KCNN2: variants seen among roughly 807,000 people sequenced by gnomAD.
The protein encoded by KCNN2 is potassium calcium-activated channel subfamily N member 2.
Under a neutral mutation model 55.5 loss-of-function variants are expected in KCNN2, and 24 were observed. That is an observed-to-expected ratio of 0.43 (90% confidence interval 0.31 to 0.61). The LOEUF is 0.61. KCNN2 is among the 20% of genes least tolerant of loss of function. KCNN2 has a pLI of 0.08. For synonymous variants in KCNN2, 431 were observed against 336.1 expected, an observed-to-expected ratio of 1.28 and a Z score of -3.09; for missense variants, 754 against 853.6, an observed-to-expected ratio of 0.88 and a Z score of 1.45.
At chr5:114,292,046 G>C (rs921247504) in intron 2 of KCNN2, among the ~76,000 whole-genome samples, 1 of 149,926 alleles carries the variant, frequency 6.7e-6, no homozygotes, top group Admixed American at 6.6e-5. Context: ...TTGTTTGTTT[G>C]TTTCTTGTAA....
chr5:114,392,029 A>G (rs1005377109), intron 2 of KCNN2, among the ~76,000 whole-genome samples: 3 of 152,168 alleles, frequency 2.0e-5, no homozygotes, highest in African/African-American at 7.2e-5. Context: ...TAAGTTCTCA[A>G]GCAACCGTTT....
At chr5:114,129,504 T>C (rs917374524) in intron 1 of KCNN2, among the ~76,000 whole-genome samples, 4 of 152,128 alleles carry the variant, frequency 2.6e-5, no homozygotes, top group Non-Finnish European at 5.9e-5. Context: ...CCTAATTCTG[T>C]CTGTGGTCAC....
chr5:114,296,224 A>G (rs1756009612), intron 2 of KCNN2, among the ~76,000 whole-genome samples: 1 of 152,208 alleles, frequency 6.6e-6, no homozygotes, highest in Non-Finnish European at 1.5e-5. Context: ...AGAATGAGTA[A>G]CCTCTTATAG....
intron 2 of KCNN2, among the ~76,000 whole-genome samples, chr5:114,370,863 T>G (rs193148086): frequency 2.2e-4 from 33 of 152,274 alleles, no homozygotes; most frequent in African/African-American, 6.7e-4. Flanking sequence ...GTAAAGAGTT[T>G]AAAGCAGGCA....
chr5:114,416,315 A>G (rs1580809492), intron 3 of KCNN2, among the ~76,000 whole-genome samples: 1 of 152,180 alleles, frequency 6.6e-6, no homozygotes. Context: ...AGCTTTCTTC[A>G]TGACCAAAAG....
chr5:114,123,463 C>T (rs886258511), intron 1 of KCNN2, among the ~76,000 whole-genome samples: 4 of 115,074 alleles, frequency 3.5e-5, no homozygotes, highest in Non-Finnish European at 5.3e-5. Flanking sequence ...CCCGGGTTCA[C>T]GCCATTCTCC....
At chr5:114,189,421 G>A (rs1486152115) in intron 1 of KCNN2, among the ~76,000 whole-genome samples, 1 of 152,020 alleles carries the variant, frequency 6.6e-6, no homozygotes, top group East Asian at 1.9e-4. Context: ...TTAATTGATT[G>A]GATTGAGGCC....
rs769189080 is a variant in KCNN2, at chr5:114,495,950, T to C, written c.2144T>C (p.Phe715Ser). The C allele has an allele frequency of 7.4e-6, 12 of 1,613,918 alleles. No individual in the cohort carries two copies. The African/African-American group carries it at 1.5e-4, about 20-fold the overall frequency. The change falls in exon 8 of 8, where the codon TTC becomes TCC. Residue 715 changes from phenylalanine (F) to serine (S), a missense_variant. By Grantham distance (155) the Phe-to-Ser change is radical (BLOSUM62 -2). Transcript: ENST00000673685. ...GACTTAAACGAAAGGAGTGAAGACT[T>C]CGAGAAGAGGATTGTTACCCTGGAA... ...ISDLNERSED[F>S]EKRIVTLETK...
chr5:114,458,472 T>A (rs531210938), intron 3 of KCNN2, among the ~76,000 whole-genome samples: 1 of 152,348 alleles, frequency 6.6e-6, no homozygotes, highest in South Asian at 2.1e-4. Context: ...TGTATAATCC[T>A]AAAAATCTAG....
chr5:114,124,108 A>G (rs527988295), intron 1 of KCNN2, among the ~76,000 whole-genome samples: 54 of 152,216 alleles, frequency 3.5e-4, no homozygotes, highest in Admixed American at 2.0e-3. Context: ...GAATTCTTCC[A>G]TTTTCTGCTA....
At chr5:114,262,388 C>A (rs748007368) in intron 2 of KCNN2, among the ~76,000 whole-genome samples, 2 of 152,124 alleles carry the variant, frequency 1.3e-5, no homozygotes, top group Non-Finnish European at 2.9e-5. Context: ...TAAAGCAAAT[C>A]GCAGTTAAAA....
Position 114,163,971 on chromosome 5 carries a change from T to C in KCNN2, c.-270-57509T>C, listed in dbSNP as rs576822739. Among the ~76,000 whole-genome samples, 3 of 152,292 alleles carry C rather than the reference T, an allele frequency of 2.0e-5. No homozygotes were observed. In the South Asian group the frequency reaches 6.2e-4, roughly 32 times the overall value. On this transcript the variant is annotated intron_variant, in intron 1 of 10. Coordinates refer to the KCNN2 transcript ENST00000512097. ...TATATTAGTCATGGGTGTAGAATAT[T>C]GAGACCAGAAGATGTTTTCATTATT...
intron 1 of KCNN2, among the ~76,000 whole-genome samples, chr5:114,219,157 T>C (rs913878529): frequency 2.6e-5 from 4 of 152,224 alleles, no homozygotes; most frequent in African/African-American, 9.6e-5. Flanking sequence ...GGGGTGCCTG[T>C]GACTCTTGAA....
chr5:114,162,937 C>T (rs1437754293), intron 1 of KCNN2, among the ~76,000 whole-genome samples: 2 of 152,292 alleles, frequency 1.3e-5, no homozygotes, highest in East Asian at 1.9e-4. Flanking sequence ...CTTCCCTGCC[C>T]CCTTGCACTT....
At position 114,255,217 on chromosome 5, in the gene KCNN2, G is replaced by C. The variant is rs571908210; in HGVS notation, c.-185+33652G>C. Among the ~76,000 whole-genome samples the C allele has an allele frequency of 2.0e-5, 3 of 152,250 alleles. No homozygotes were observed. In the South Asian group the frequency reaches 6.2e-4, roughly 32 times the overall value. On this transcript the variant is annotated intron_variant, in intron 2 of 10. Transcript: ENST00000512097. ...CAAGGAGTTTATCACCCGAGACAGAGAGACATATGTGAACAAAATCTTACA... is the reference window on the plus strand; with the variant it reads ...CAAGGAGTTTATCACCCGAGACAGACAGACATATGTGAACAAAATCTTACA...
intron 4 of KCNN2, among the ~76,000 whole-genome samples, chr5:114,464,880 A>T (rs1169242902): frequency 6.6e-6 from 1 of 151,452 alleles, no homozygotes; most frequent in Admixed American, 6.6e-5. Flanking sequence ...TTCCTCAAAT[A>T]ATAGCATTTT....
chr5:114,467,055 TC>T (rs1379658331), intron 4 of KCNN2, among the ~76,000 whole-genome samples: 1 of 152,188 alleles, frequency 6.6e-6, no homozygotes, highest in East Asian at 1.9e-4. Flanking sequence ...TTGATAATAA[TC>T]CTTTCCACGT....
chr5:114,172,756 A>G (rs147192077), intron 1 of KCNN2, among the ~76,000 whole-genome samples: 71 of 151,642 alleles, frequency 4.7e-4, no homozygotes, highest in African/African-American at 1.6e-3. Flanking sequence ...ATGTCTATTC[A>G]GATCTTTTGC....
At chr5:114,182,876 C>T (rs1378288030) in intron 1 of KCNN2, among the ~76,000 whole-genome samples, 2 of 151,938 alleles carry the variant, frequency 1.3e-5, no homozygotes, top group African/African-American at 4.8e-5. Flanking sequence ...TATTTTATTG[C>T]AATGGCTACA....
Sources: allele counts gnomAD v4.1 joint callset (sites outside exome capture counted in the v4.1 genomes callset), GRCh38; gene constraint gnomAD v4.1.1; transcripts MANE v1.5; gene names NCBI Gene and HGNC (gene_info 2026-07-23, HGNC 2026-07-21).